CREG1: variants seen among roughly 807,000 people sequenced by gnomAD.
CREG1 encodes cellular repressor of E1A stimulated genes 1, also known as protein CREG1.
In CREG1, 20 loss-of-function variants were observed where a neutral mutation model predicts 19.9. The ratio of observed to expected loss-of-function variants is 1.01; its 90% CI spans 0.71 to 1.46. The LOEUF is 1.46. CREG1 is among the 40% of genes most tolerant of loss of function. CREG1 has a pLI of 0.00. For missense variants in CREG1, 290 were observed against 314.9 expected (o/e 0.92, Z 0.60); for synonymous variants, 141 against 143.3 (o/e 0.98, Z 0.12).
At chr1:167,543,343 G>T (rs4657667) in intron 3 of CREG1, among the ~76,000 whole-genome samples, 140,690 of 152,146 alleles carry the variant, frequency 0.92, 65,156 homozygotes, top group East Asian at 1. Context: ...GCTCATGGGG[G>T]CTTCACCCAA....
intron 1 of CREG1, among the ~76,000 whole-genome samples, chr1:167,552,807 G>A (rs561474302): frequency 7.9e-5 from 12 of 152,272 alleles, no homozygotes; most frequent in South Asian, 6.2e-4. Context: ...AGCACTTTGG[G>A]AGGCTGAGAT....
chr1:167,542,315 C>G lies in CREG1; in HGVS notation c.660-14G>C. 6.3e-7 allele frequency: 1 copy of G among 1,599,832 alleles called. No individual in the cohort carries two copies. Among genetic ancestry groups the G allele is most frequent in the Admixed American group, 1.8e-5 (1 of 56,944 alleles). Reference sequence around the variant, plus strand: ...AGTCTGCTTCACCTAGAAAGGGGAACAGAGAAGAATTATTTTGTTAAACTG... The same window carrying G: ...AGTCTGCTTCACCTAGAAAGGGGAAGAGAGAAGAATTATTTTGTTAAACTG... On this transcript the variant is annotated splice_polypyrimidine_tract_variant and intron_variant, in intron 3 of 3. Coordinates refer to ENST00000370509, the MANE Select transcript of CREG1 (RefSeq NM_003851.3).
intron 1 of CREG1, among the ~76,000 whole-genome samples, chr1:167,551,121 C>T (rs1349824863): frequency 6.6e-6 from 1 of 152,174 alleles, no homozygotes; most frequent in East Asian, 1.9e-4. Context: ...ATTTACTATA[C>T]AAAAATGCCA....
chr1:167,545,546 G>C (rs551714143), intron 3 of CREG1, among the ~76,000 whole-genome samples: 1 of 152,176 alleles, frequency 6.6e-6, no homozygotes, highest in Admixed American at 6.5e-5. Context: ...CACAGAAAAG[G>C]CCAGGCATGG....
At chr1:167,552,654 A>G (rs1451243387) in intron 1 of CREG1, among the ~76,000 whole-genome samples, 1 of 152,238 alleles carries the variant, frequency 6.6e-6, no homozygotes, top group Non-Finnish European at 1.5e-5. Context: ...CAGGAGGGAA[A>G]AGCTTAATTC....
chr1:167,545,949 G>T, intron 3 of CREG1, 152 bp downstream of exon 3: 1 of 483,266 alleles, frequency 2.1e-6, no homozygotes. Flanking sequence ...TATTTTATGT[G>T]TTTAAAACAT....
intron 3 of CREG1, among the ~76,000 whole-genome samples, chr1:167,543,687 C>G (rs1379870937): frequency 6.6e-6 from 1 of 152,198 alleles, no homozygotes; most frequent in Non-Finnish European, 1.5e-5. Flanking sequence ...CGGAGATGGA[C>G]AATTCCTAGC....
chr1:167,546,582 C>T (rs964073147), intron 2 of CREG1, among the ~76,000 whole-genome samples: 1 of 151,744 alleles, frequency 6.6e-6, no homozygotes, highest in Non-Finnish European at 1.5e-5. Flanking sequence ...GCGGAGCTTG[C>T]GGTGAGCCGA....
At chr1:167,552,510 T>C (rs61806216) in intron 1 of CREG1, among the ~76,000 whole-genome samples, 36,027 of 152,078 alleles carry the variant, frequency 0.24, 4,543 homozygotes, top group East Asian at 0.49. Flanking sequence ...CACCAGAAGG[T>C]GGGCAAAGGG....
intron 3 of CREG1, among the ~76,000 whole-genome samples, chr1:167,543,922 T>C (rs3753921): frequency 0.3 from 45,373 of 152,222 alleles, 6,930 homozygotes; most frequent in South Asian, 0.32. Flanking sequence ...TGGAGACTTA[T>C]GGGAAAACAG....
chr1:167,545,253 A>G lies in CREG1; in HGVS notation c.659+848T>C, dbSNP rs545316750. On this transcript the variant is annotated intron_variant, in intron 3 of 3. Coordinates refer to ENST00000370509, the MANE Select transcript of CREG1 (RefSeq NM_003851.3). The stretch of plus-strand genomic sequence containing the variant: ...ATAACTGGGCTCTGTTCAGGGCCCA[A>G]TAAGCACAGCCTTAAAATGGAGTCT... 1.9e-3 allele frequency among the ~76,000 whole-genome samples: 290 copies of G among 152,318 alleles called. 2 individuals carry two copies. The highest frequency in any genetic ancestry group is 6.7e-3 in the African/African-American group (280 of 41,580).
intron 1 of CREG1, among the ~76,000 whole-genome samples, chr1:167,550,151 A>G (rs1014453995): frequency 2.0e-5 from 3 of 151,576 alleles, no homozygotes; most frequent in Non-Finnish European, 2.9e-5. Context: ...CACCATACCC[A>G]GTTAATTTTT....
chr1:167,553,341 CCGCCCCGCCCA>C, intron 1 of CREG1, 36 bp downstream of exon 1: 1 of 1,285,032 alleles, frequency 7.8e-7, no homozygotes, highest in Non-Finnish European at 1.0e-6. Context: ...CGCTCTGTGG[CCGCCCCGCCCA>C]CAGCCCGCCT....
chr1:167,541,139 T>C lies in CREG1; in HGVS notation c.*1159A>G, dbSNP rs1656214981. 1 of 152,226 alleles carries C rather than the reference T, an allele frequency of 6.6e-6. No individual in the cohort carries two copies. Among genetic ancestry groups the C allele is most frequent in the Non-Finnish European group, 1.5e-5 (1 of 68,038 alleles). 9.4% of individuals were successfully genotyped at this position (152,226 alleles called of 1,614,324 possible). On this transcript the variant is annotated 3_prime_UTR_variant, in exon 4 of 4. Coordinates refer to ENST00000370509, the MANE Select transcript of CREG1 (RefSeq NM_003851.3). Reference sequence around the variant, plus strand: ...GATCTCAGTTAAGTTCACTTTGCAGTTTTCAGACACAATGACTCATATTCA... The same window carrying C: ...GATCTCAGTTAAGTTCACTTTGCAGCTTTCAGACACAATGACTCATATTCA...
chr1:167,543,923 G>A (rs1204828000), intron 3 of CREG1, among the ~76,000 whole-genome samples: 2 of 152,196 alleles, frequency 1.3e-5, no homozygotes, highest in East Asian at 1.9e-4. Context: ...GGAGACTTAT[G>A]GGAAAACAGT....
intron 3 of CREG1, among the ~76,000 whole-genome samples, chr1:167,545,692 C>A (rs1656305264): frequency 6.6e-6 from 1 of 151,880 alleles, no homozygotes; most frequent in South Asian, 2.1e-4. Flanking sequence ...GTATTCCCAG[C>A]TGCTTGGGAG....
Position 167,541,576 on chromosome 1 carries a change from G to A in CREG1, c.*722C>T, listed in dbSNP as rs1224426343. The stretch of plus-strand genomic sequence containing the variant: ...TTTGGAGCCAAAAAATAATCTGTGT[G>A]CACATGTGTTTTGATAATACTGTTT... On this transcript the variant is annotated 3_prime_UTR_variant, in exon 4 of 4. Transcript: ENST00000370509. 6.6e-6 allele frequency: 1 copy of A among 152,144 alleles called. No individual in the cohort carries two copies. Among genetic ancestry groups the A allele is most frequent in the Non-Finnish European group, 1.5e-5 (1 of 68,026 alleles). 9.4% of individuals were successfully genotyped at this position (152,144 alleles called of 1,614,324 possible). A position where few individuals can be genotyped will look rare whatever the true frequency, so the allele number is the denominator to read the frequency against.
intron 1 of CREG1, among the ~76,000 whole-genome samples, chr1:167,552,311 G>A (rs1211101695): frequency 6.6e-6 from 1 of 152,246 alleles, no homozygotes; most frequent in Non-Finnish European, 1.5e-5. Flanking sequence ...TCAGTTTCTT[G>A]CATCCTGTCT....
intron 2 of CREG1, among the ~76,000 whole-genome samples, chr1:167,547,625 G>C (rs2076464): frequency 0.83 from 126,861 of 152,142 alleles, 52,907 homozygotes; most frequent in South Asian, 0.88. Context: ...ATTTCATTCT[G>C]AAAAGATCTA....
Sources: allele counts gnomAD v4.1 joint callset (sites outside exome capture counted in the v4.1 genomes callset), GRCh38; gene constraint gnomAD v4.1.1; transcripts MANE v1.5; gene names NCBI Gene and HGNC (gene_info 2026-07-23, HGNC 2026-07-21).